The following MCCC2 variants were observed in gnomAD, a reference collection of about 807,000 sequenced individuals.
MCCC2 encodes the protein methylcrotonoyl-CoA carboxylase beta chain, mitochondrial.
A neutral mutation model predicts 77.2 loss-of-function variants in MCCC2; 52 were observed. The observed-to-expected ratio is 0.67, with a 90% CI of 0.54 to 0.85. MCCC2 has a LOEUF of 0.85. Ranked by LOEUF, MCCC2 falls within the 40% of genes least tolerant of loss-of-function variation. The probability of loss-of-function intolerance (pLI) is 0.00; values close to 1 mark genes in which losing one functional copy is unlikely to be tolerated. For synonymous variants in MCCC2, 253 were observed against 248.4 expected, an observed-to-expected ratio of 1.02 and a Z score of -0.18; for missense variants, 682 against 703.2, an observed-to-expected ratio of 0.97 and a Z score of 0.34.
intron 10 of MCCC2, among the ~76,000 whole-genome samples, chr5:71,640,241 G>A (rs955797959): frequency 6.6e-6 from 1 of 151,898 alleles, no homozygotes; most frequent in Non-Finnish European, 1.5e-5. Flanking sequence ...CTGACAGTAT[G>A]CTTTAGTTAG....
intron 16 of MCCC2, among the ~76,000 whole-genome samples, chr5:71,655,559 G>A (rs560391202): frequency 2.0e-5 from 3 of 152,252 alleles, no homozygotes; most frequent in Middle Eastern, 6.8e-3. Context: ...AATTCACCTG[G>A]TTGCAGATGA....
chr5:71,652,772 A>G lies in MCCC2; in HGVS notation c.1574+18A>G, dbSNP rs1561849334. 6.2e-7 allele frequency: 1 copy of G among 1,608,728 alleles called. No homozygotes were observed. Among genetic ancestry groups the G allele is most frequent in the African/African-American group, 1.3e-5 (1 of 74,922 alleles). The stretch of plus-strand genomic sequence containing the variant: ...AGCGCAAGGTGGGGGCCAGAACATC[A>G]CTAACTCTCTGATGGGTGCAGATGG... On this transcript the variant is annotated intron_variant, in intron 16 of 16. Coordinates refer to ENST00000340941, the MANE Select transcript of MCCC2 (RefSeq NM_022132.5).
At chr5:71,651,222 A>G (rs547143947) in intron 15 of MCCC2, among the ~76,000 whole-genome samples, 4 of 152,092 alleles carry the variant, frequency 2.6e-5, no homozygotes, top group African/African-American at 2.4e-5. Flanking sequence ...TGTTCTTTCT[A>G]TTTTACTTTT....
intron 4 of MCCC2, among the ~76,000 whole-genome samples, chr5:71,602,131 A>G (rs1166893854): frequency 6.6e-6 from 1 of 152,134 alleles, no homozygotes; most frequent in Admixed American, 6.5e-5. Context: ...ATTATGAGGG[A>G]ATTCTTTTCC....
intron 10 of MCCC2, chr5:71,636,252 T>C (rs1293068221): frequency 5.1e-6 from 1 of 194,380 alleles, no homozygotes; most frequent in Non-Finnish European, 1.1e-5. Context: ...ACCCCAGCAT[T>C]GCTAGTGGGT....
Position 71,591,434 on chromosome 5 carries a change from G to GT in MCCC2, c.130-1473dup, listed in dbSNP as rs67936266. Among the ~76,000 whole-genome samples, 419 of 95,170 alleles carry GT rather than the reference G, an allele frequency of 4.4e-3. 4 individuals carry two copies. Among genetic ancestry groups the GT allele is most frequent in the African/African-American group, 9.8e-3 (272 of 27,734 alleles). 62.4% of individuals were successfully genotyped at this position (95,170 alleles called of 152,430 possible). On this transcript the variant is annotated intron_variant, in intron 1 of 16. Coordinates refer to ENST00000340941, the MANE Select transcript of MCCC2 (RefSeq NM_022132.5). ...ATATGCCAGCATAGAGTTTTGTTCT[G>GT]TTTTTTTTTTTTTTTTTTTGAGATG...
chr5:71,614,380 C>T (rs1305185195), intron 6 of MCCC2, among the ~76,000 whole-genome samples: 1 of 152,154 alleles, frequency 6.6e-6, no homozygotes, highest in Non-Finnish European at 1.5e-5. Flanking sequence ...GTGGTCCACA[C>T]CTCTAATCCT....
Position 71,597,690 on chromosome 5 carries a change from A to G in MCCC2, c.281+1326A>G, listed in dbSNP as rs546236384. ...ATTTTTTCTCCTGACACGTGCACAC[A>G]CATCCAACCTGGAGACAGCACTGTT... On this transcript the variant is annotated intron_variant, in intron 3 of 16. Transcript: ENST00000340941. Among the ~76,000 whole-genome samples the G allele has an allele frequency of 6.6e-5, 10 of 152,344 alleles. No individual in the cohort carries two copies. The South Asian group carries it at 1.0e-3, about 16-fold the overall frequency.
chr5:71,617,188 TTGACCATC>T (rs1746188373), intron 6 of MCCC2, among the ~76,000 whole-genome samples: 1 of 152,218 alleles, frequency 6.6e-6, no homozygotes, highest in Non-Finnish European at 1.5e-5. Flanking sequence ...ATAGCCTTTT[TTGACCATC>T]TGCTCAGGCC....
At chr5:71,599,373 A>C (rs917482980) in intron 3 of MCCC2, among the ~76,000 whole-genome samples, 20 of 151,942 alleles carry the variant, frequency 1.3e-4, no homozygotes, top group African/African-American at 2.4e-4. Flanking sequence ...CCATCTCAAA[A>C]AACAACAACA....
At chr5:71,623,804 G>A (rs538288555) in intron 6 of MCCC2, among the ~76,000 whole-genome samples, 1 of 152,292 alleles carries the variant, frequency 6.6e-6, no homozygotes, top group African/African-American at 2.4e-5. Context: ...GGTTTCCTTG[G>A]TTGTTGAGGA....
Position 71,623,491 on chromosome 5 carries a change from G to A in MCCC2, c.625-3149G>A, listed in dbSNP as rs928165906. Among the ~76,000 whole-genome samples, 9 of 152,274 alleles carry A rather than the reference G, an allele frequency of 5.9e-5. No individual in the cohort carries two copies. In the South Asian group the frequency reaches 6.2e-4, roughly 11 times the overall value. ...CCTAGAGCAGCTCACACCATGTCAC[G>A]TGACTTCATCAAAGTGAGAGAGTGA... On this transcript the variant is annotated intron_variant, in intron 6 of 16. Transcript: ENST00000340941.
chr5:71,628,794 T>C (rs2112417983), intron 7 of MCCC2, among the ~76,000 whole-genome samples: 1 of 152,216 alleles, frequency 6.6e-6, no homozygotes. Flanking sequence ...TTGTGTAAAA[T>C]GGAGAGAAAT....
chr5:71,627,132 G>A (rs1434070259), intron 7 of MCCC2, among the ~76,000 whole-genome samples: 2 of 152,146 alleles, frequency 1.3e-5, no homozygotes, highest in African/African-American at 2.4e-5. Flanking sequence ...TTAGCAAAAC[G>A]TCTTCATGGT....
intron 1 of MCCC2, among the ~76,000 whole-genome samples, chr5:71,587,800 G>A (rs964546710): frequency 6.6e-6 from 1 of 152,170 alleles, no homozygotes; most frequent in Non-Finnish European, 1.5e-5. Context: ...GCCACCTGGG[G>A]AGCTAGCTGA....
chr5:71,615,323 C>A (rs146769418), intron 6 of MCCC2, among the ~76,000 whole-genome samples: 1 of 152,180 alleles, frequency 6.6e-6, no homozygotes, highest in Admixed American at 6.5e-5. Context: ...CTCCTTCAAA[C>A]CTCCATGCCC....
In MCCC2 at chr5:71,643,736, A is replaced by C. The variant is rs750171492; in HGVS notation, c.1073-83A>C. On this transcript the variant is annotated intron_variant, in intron 11 of 16. Coordinates refer to ENST00000340941, the MANE Select transcript of MCCC2 (RefSeq NM_022132.5). ...TTTAAACTTGGATCTGATATTAAAG[A>C]ATGTGTAAATATGCCTCTTTCTTGT... The C allele has an allele frequency of 4.3e-6, 7 of 1,612,466 alleles. No individual in the cohort carries two copies. The South Asian group carries it at 6.6e-5, about 15-fold the overall frequency.
chr5:71,630,690 T>G (rs894798121), intron 7 of MCCC2, among the ~76,000 whole-genome samples: 2 of 152,184 alleles, frequency 1.3e-5, no homozygotes, highest in African/African-American at 4.8e-5. Context: ...TAACTAACTC[T>G]CTCTGCAGAA....
At chr5:71,596,922 A>G (rs892005427) in intron 3 of MCCC2, among the ~76,000 whole-genome samples, 3 of 151,896 alleles carry the variant, frequency 2.0e-5, no homozygotes, top group Admixed American at 6.6e-5. Context: ...CCTGGGTGAC[A>G]GAGCGAGACT....
Sources: allele counts gnomAD v4.1 joint callset (sites outside exome capture counted in the v4.1 genomes callset), GRCh38; gene constraint gnomAD v4.1.1; transcripts MANE v1.5; gene names NCBI Gene and HGNC (gene_info 2026-07-23, HGNC 2026-07-21).